The following ATF2 variants were observed in gnomAD, a reference collection of about 807,000 sequenced individuals.
ATF2 encodes the protein cyclic AMP-dependent transcription factor ATF-2.
Under a neutral mutation model 60.6 loss-of-function variants are expected in ATF2, and 24 were observed. The ratio of observed to expected loss-of-function variants is 0.40; its 90% CI spans 0.29 to 0.56. The LOEUF is 0.56. Among genes scored for constraint, ATF2 ranks in the 20% least tolerant of loss-of-function variants. The pLI, the probability that ATF2 is intolerant of heterozygous loss-of-function variation, is 0.54. For missense variants in ATF2, 433 were observed against 607.7 expected (o/e 0.71, Z 3.02); for synonymous variants, 206 against 215.4 (o/e 0.96, Z 0.38).
chr2:175,082,613 G>A (rs1574314771), intron 12 of ATF2, among the ~76,000 whole-genome samples: 1 of 152,110 alleles, frequency 6.6e-6, no homozygotes, highest in Non-Finnish European at 1.5e-5. Flanking sequence ...TTACAATCTG[G>A]TGATGGTGAA....
In ATF2 at chr2:175,106,350, G is replaced by A. The variant is rs1695662396; in HGVS notation, c.828+5218C>T. Among the ~76,000 whole-genome samples, 2 of 151,856 alleles carry A rather than the reference G, an allele frequency of 1.3e-5. 1 individual carries two copies. The highest frequency in any genetic ancestry group is 1.3e-4 in the Admixed American group (2 of 15,252). On this transcript the variant is annotated intron_variant, in intron 10 of 13. Coordinates refer to ENST00000264110, the MANE Select transcript of ATF2 (RefSeq NM_001880.4). ...GTTTGAGACCAGCCTGGCCAACATGGTGATACCCATCTCTAAAAATACAAA... is the reference window on the plus strand; with the variant it reads ...GTTTGAGACCAGCCTGGCCAACATGATGATACCCATCTCTAAAAATACAAA...
intron 1 of ATF2, among the ~76,000 whole-genome samples, chr2:175,154,983 G>C (rs776818145): frequency 2.6e-5 from 4 of 152,210 alleles, no homozygotes; most frequent in Non-Finnish European, 5.9e-5. Context: ...AGAGAAGTTA[G>C]CTTCTGTCCC....
chr2:175,094,605 T>C (rs897420904), intron 11 of ATF2, among the ~76,000 whole-genome samples: 8 of 152,116 alleles, frequency 5.3e-5, no homozygotes, highest in Admixed American at 2.6e-4. Flanking sequence ...ACAAGTCTTA[T>C]ATAAAGCTCA....
At chr2:175,109,681 GA>G (rs1202265959) in intron 10 of ATF2, among the ~76,000 whole-genome samples, 1 of 152,114 alleles carries the variant, frequency 6.6e-6, no homozygotes, top group Non-Finnish European at 1.5e-5. Flanking sequence ...ACAATAACAG[GA>G]TCTCCTTTTA....
At chr2:175,130,275 T>C in intron 3 of ATF2, 68 bp from the exon 4 acceptor site, 1 of 1,021,884 alleles carries the variant, frequency 9.8e-7, no homozygotes. Flanking sequence ...AATATAAATC[T>C]CAAGATTTTT....
intron 10 of ATF2, among the ~76,000 whole-genome samples, chr2:175,106,179 T>C (rs1695649707): frequency 6.6e-6 from 1 of 151,682 alleles, no homozygotes; most frequent in Non-Finnish European, 1.5e-5. Context: ...TAAAAGAAAA[T>C]AGACAGTAGA....
At chr2:175,112,738 A>C (rs1198935029) in intron 9 of ATF2, among the ~76,000 whole-genome samples, 1 of 152,052 alleles carries the variant, frequency 6.6e-6, no homozygotes, top group Non-Finnish European at 1.5e-5. Flanking sequence ...TGCTTCCATC[A>C]CAACTGGCTA....
chr2:175,130,744 A>T (rs962998215), intron 3 of ATF2, among the ~76,000 whole-genome samples: 4 of 152,164 alleles, frequency 2.6e-5, no homozygotes, highest in African/African-American at 9.6e-5. Context: ...AGACTCAGAG[A>T]AATTCAAAAA....
intron 13 of ATF2, among the ~76,000 whole-genome samples, chr2:175,077,939 T>C (rs913904541): frequency 2.0e-5 from 3 of 152,138 alleles, no homozygotes; most frequent in Admixed American, 2.0e-4. Flanking sequence ...GGCAATTCAG[T>C]AATCTTGAAA....
intron 4 of ATF2, among the ~76,000 whole-genome samples, chr2:175,125,293 A>G (rs1697254294): frequency 6.6e-6 from 1 of 152,096 alleles, no homozygotes; most frequent in Admixed American, 6.6e-5. Flanking sequence ...ATATAAATCT[A>G]AAAACAGACC....
chr2:175,160,774 G>GAGC (rs1163816738), intron 1 of ATF2, among the ~76,000 whole-genome samples: 2 of 151,830 alleles, frequency 1.3e-5, no homozygotes, highest in Non-Finnish European at 2.9e-5. Context: ...TTGGGGTGGG[G>GAGC]AGCAGCCTGT....
chr2:175,107,713 GC>G (rs1695781819), intron 10 of ATF2, among the ~76,000 whole-genome samples: 1 of 152,200 alleles, frequency 6.6e-6, no homozygotes, highest in African/African-American at 2.4e-5. Flanking sequence ...TTGCAGGCGC[GC>G]GCCGCCACGC....
At chr2:175,158,855 C>T (rs1270744688) in intron 1 of ATF2, among the ~76,000 whole-genome samples, 1 of 151,946 alleles carries the variant, frequency 6.6e-6, no homozygotes, top group Non-Finnish European at 1.5e-5. Flanking sequence ...ATGTAAAATA[C>T]ACAGAATAGT....
intron 2 of ATF2, among the ~76,000 whole-genome samples, chr2:175,140,339 A>T (rs1698417203): frequency 6.6e-6 from 1 of 152,260 alleles, no homozygotes; most frequent in Non-Finnish European, 1.5e-5. Context: ...TGACACTACA[A>T]CAATGGATGA....
rs754663444 is a variant in ATF2 at position 175,114,648 on chromosome 2, T to C, written c.626+42A>G. 1.9e-6 allele frequency: 3 copies of C among 1,580,900 alleles called. 1 individual carries two copies. In the South Asian group the frequency reaches 3.5e-5, roughly 18 times the overall value. ...TAGGAAAAATCATTACAAAACAAAC[T>C]TAATTCATGTATATGTTCAATGATT... On this transcript the variant is annotated intron_variant, in intron 8 of 13. Transcript: ENST00000264110.
chr2:175,165,210 A>G (rs1402811601), intron 1 of ATF2, among the ~76,000 whole-genome samples: 2 of 152,256 alleles, frequency 1.3e-5, no homozygotes, highest in African/African-American at 2.4e-5. Context: ...AAATCAGTTG[A>G]ATATTAATTA....
intron 2 of ATF2, among the ~76,000 whole-genome samples, chr2:175,146,020 A>T (rs1328392309): frequency 6.6e-6 from 1 of 152,200 alleles, no homozygotes; most frequent in South Asian, 2.1e-4. Flanking sequence ...ACATCACCTT[A>T]ATCAAGTGAT....
chr2:175,108,787 T>C lies in ATF2; in HGVS notation c.828+2781A>G, dbSNP rs555137062. Among the ~76,000 whole-genome samples, 72 of 137,380 alleles carry C rather than the reference T, an allele frequency of 5.2e-4. No individual in the cohort carries two copies. The South Asian group carries it at 0.015, about 30-fold the overall frequency. The allele number at this position is 137,380 out of a possible 152,430, so 90.1% of individuals were successfully genotyped here. On this transcript the variant is annotated intron_variant, in intron 10 of 13. Coordinates refer to ENST00000264110, the MANE Select transcript of ATF2 (RefSeq NM_001880.4). ...AAATCAGATTGTTGCTGTATCTGTG[T>C]AGAAAGTAGACATGGGAGACTTCAC...
intron 4 of ATF2, among the ~76,000 whole-genome samples, chr2:175,123,781 T>C (rs1697130717): frequency 6.6e-6 from 1 of 152,098 alleles, no homozygotes; most frequent in Non-Finnish European, 1.5e-5. Flanking sequence ...GGATTACTGA[T>C]CCTGTAACAG....
Sources: allele counts gnomAD v4.1 joint callset (sites outside exome capture counted in the v4.1 genomes callset), GRCh38; gene constraint gnomAD v4.1.1; transcripts MANE v1.5; gene names NCBI Gene and HGNC (gene_info 2026-07-23, HGNC 2026-07-21).